NXPE2: variants seen among roughly 807,000 people sequenced by gnomAD.
NXPE2 encodes NXPE family member 2.
In NXPE2, 34 loss-of-function variants were observed where a neutral mutation model predicts 34.4. The observed-to-expected ratio is 0.99, with a 90% confidence interval of 0.75 to 1.31. The LOEUF (loss-of-function observed/expected upper bound fraction) is 1.31, where lower values mean the gene tolerates loss of function less well. Among genes scored for constraint, NXPE2 ranks in the 40% most tolerant of loss-of-function variants. The probability of loss-of-function intolerance (pLI) is 0.00; values close to 1 mark genes in which losing one functional copy is unlikely to be tolerated. For synonymous variants in NXPE2, 235 were observed against 231.3 expected (o/e 1.02, Z -0.15); for missense variants, 649 against 672.5 (o/e 0.97, Z 0.39).
the NXPE2 span, among the ~76,000 whole-genome samples, chr11:114,648,947 A>C: frequency 2.6e-5 from 1 of 38,276 alleles, no homozygotes; most frequent in African/African-American, 4.7e-5. Flanking sequence ...ATAAGAGGAA[A>C]CAAAAAAATA....
At chr11:114,564,322 C>T in the NXPE2 span, among the ~76,000 whole-genome samples, 72 of 151,984 alleles carry the variant, frequency 4.7e-4, no homozygotes, top group Non-Finnish European at 7.9e-4. Flanking sequence ...AGGTTGATAG[C>T]GAGGTGAGGG....
At chr11:114,771,305 G>A in the NXPE2 span, among the ~76,000 whole-genome samples, 1 of 150,882 alleles carries the variant, frequency 6.6e-6, no homozygotes, top group Admixed American at 6.6e-5. Flanking sequence ...GATGATCTTT[G>A]AGGGGAGACA....
chr11:114,493,836 C>A, the NXPE2 span, among the ~76,000 whole-genome samples: 2 of 151,450 alleles, frequency 1.3e-5, no homozygotes, highest in African/African-American at 4.8e-5. Flanking sequence ...GCTCATTTAC[C>A]CCCTTTTTTT....
chr11:114,637,118 C>G, the NXPE2 span, among the ~76,000 whole-genome samples: 1 of 151,664 alleles, frequency 6.6e-6, no homozygotes, highest in Non-Finnish European at 1.5e-5. Context: ...GTAGGTCACT[C>G]AGGACTTGCT....
At position 114,706,582 on chromosome 11, in the gene NXPE2, A is replaced by AGTGTTG; in HGVS notation, c.1333_1334insTGTTGG (p.Thr444_Ala445insValLeu). 1.3e-6 allele frequency: 2 copies of AGTGTTG among 1,551,900 alleles called. No individual in the cohort carries two copies. Among genetic ancestry groups the AGTGTTG allele is most frequent in the Non-Finnish European group, 1.7e-6 (2 of 1,146,994 alleles). On this transcript the variant is annotated inframe_insertion, in exon 6 of 6. Coordinates refer to ENST00000389586, the MANE Select transcript of NXPE2 (RefSeq NM_182495.6). The stretch of plus-strand genomic sequence containing the variant: ...ACCAGGTAGCAGGAGACAAAAACAC[A>AGTGTTG]GCCATTGTCATTACCCTCGGCCAAC...
chr11:114,545,044 T>A, the NXPE2 span, among the ~76,000 whole-genome samples: 391 of 151,362 alleles, frequency 2.6e-3, 4 homozygotes, highest in Middle Eastern at 0.01. Context: ...GGCTAAAATT[T>A]AAAAAAAAAC....
chr11:114,489,524 T>G, the NXPE2 span, among the ~76,000 whole-genome samples: 3 of 152,206 alleles, frequency 2.0e-5, no homozygotes, highest in Non-Finnish European at 2.9e-5. Flanking sequence ...CAAGTGGGCT[T>G]CATCCCTGGG....
chr11:114,634,363 G>A, the NXPE2 span, among the ~76,000 whole-genome samples: 3 of 150,528 alleles, frequency 2.0e-5, no homozygotes, highest in African/African-American at 7.3e-5. Context: ...CTGGATATTA[G>A]CCCTTTGTCA....
At chr11:114,628,831 A>C in the NXPE2 span, among the ~76,000 whole-genome samples, 1 of 152,004 alleles carries the variant, frequency 6.6e-6, no homozygotes, top group African/African-American at 2.4e-5. Flanking sequence ...AAAAAATGAT[A>C]AAGGGGATAT....
chr11:114,554,501 A>G, the NXPE2 span: 1 of 497,348 alleles, frequency 2.0e-6, no homozygotes, highest in Non-Finnish European at 2.6e-6. Flanking sequence ...GTATAGAATT[A>G]TAACAAAAGC....
chr11:114,550,840 T>C, the NXPE2 span, among the ~76,000 whole-genome samples: 1 of 152,294 alleles, frequency 6.6e-6, no homozygotes, highest in African/African-American at 2.4e-5. Context: ...GATGAGGAAG[T>C]TGGTAGCTTT....
the NXPE2 span, among the ~76,000 whole-genome samples, chr11:114,808,073 C>A: frequency 6.6e-6 from 1 of 152,212 alleles, no homozygotes; most frequent in African/African-American, 2.4e-5. Flanking sequence ...GGAAACTGAA[C>A]AACCTGCTCC....
chr11:114,575,604 A>C, the NXPE2 span, among the ~76,000 whole-genome samples: 1 of 151,934 alleles, frequency 6.6e-6, no homozygotes, highest in Admixed American at 6.6e-5. Context: ...GCTGTAAAAT[A>C]AAATAAAATA....
intron 2 of NXPE2, among the ~76,000 whole-genome samples, chr11:114,684,109 G>A (rs1480018912): frequency 6.6e-6 from 1 of 152,142 alleles, no homozygotes; most frequent in Non-Finnish European, 1.5e-5. Context: ...TAGATCTGAA[G>A]CTGGGAAAGA....
chr11:114,708,465 T>C (rs1951506601), downstream of NXPE2, among the ~76,000 whole-genome samples: 1 of 152,034 alleles, frequency 6.6e-6, no homozygotes, highest in Non-Finnish European at 1.5e-5. Context: ...AATATTGTTA[T>C]TAAGGATACT....
the NXPE2 span, among the ~76,000 whole-genome samples, chr11:114,653,128 A>C: frequency 6.6e-6 from 1 of 152,238 alleles, no homozygotes; most frequent in African/African-American, 2.4e-5. Flanking sequence ...AGCATAAATA[A>C]CAATACTGAC....
the NXPE2 span, among the ~76,000 whole-genome samples, chr11:114,515,094 T>G: frequency 6.6e-6 from 1 of 152,168 alleles, no homozygotes; most frequent in Non-Finnish European, 1.5e-5. Flanking sequence ...ATTTTGTTCT[T>G]TGGTTAGTAC....
At chr11:114,787,626 G>A in the NXPE2 span, among the ~76,000 whole-genome samples, 9 of 152,004 alleles carry the variant, frequency 5.9e-5, no homozygotes, top group African/African-American at 2.2e-4. Context: ...GAGAGAGGAG[G>A]GACTGAAAAG....
At chr11:114,490,919 T>C in the NXPE2 span, among the ~76,000 whole-genome samples, 1 of 151,588 alleles carries the variant, frequency 6.6e-6, no homozygotes, top group Non-Finnish European at 1.5e-5. Context: ...TCCCAGCACT[T>C]TGGGAGGCCG....
Sources: gnomAD v4.1 joint callset for allele counts (sites outside exome capture counted in the v4.1 genomes callset) on GRCh38, gnomAD v4.1.1 for gene constraint, MANE v1.5 for transcripts, NCBI Gene and HGNC (gene_info 2026-07-23, HGNC 2026-07-21) for gene names.